VAT1L: variants seen among roughly 807,000 people sequenced by gnomAD.
The protein encoded by VAT1L is vesicle amine transport 1 like.
In VAT1L, 34 loss-of-function variants were observed where a neutral mutation model predicts 44.1. The ratio of observed to expected loss-of-function variants is 0.77; its 90% CI spans 0.59 to 1.03. The LOEUF (loss-of-function observed/expected upper bound fraction) is 1.03, where lower values mean the gene tolerates loss of function less well. VAT1L is among the 50% of genes least tolerant of loss of function. VAT1L has a pLI of 0.00. For synonymous variants in VAT1L, 253 were observed against 202.2 expected (o/e 1.25, Z -2.13); for missense variants, 615 against 538.8 (o/e 1.14, Z -1.40).
Position 77,788,772 on chromosome 16 carries a change from C to T in VAT1L, c.90C>T (p.Gly30=). ...AGGAGCCGGCGGAGGGCGGCGGCGG[C>T]GACGGCTCGCACCGCCTCGGGGACG... is the stretch of plus-strand genomic sequence containing the variant. The part of the protein sequence containing the change: ...AGKEPAEGGG[G]DGSHRLGDAQ... Residue 30 remains glycine, a synonymous_variant, in exon 1 of 9, where the codon GGC becomes GGT. Transcript: ENST00000302536. 6.4e-7 allele frequency: 1 copy of T among 1,562,208 alleles called. No individual in the cohort carries two copies. Among genetic ancestry groups the T allele is most frequent in the Non-Finnish European group, 8.7e-7 (1 of 1,153,746 alleles).
In VAT1L at chr16:77,884,414, C is replaced by G. The variant is rs1027329216; in HGVS notation, c.883-194C>G. On this transcript the variant is annotated intron_variant, in intron 6 of 8. Transcript: ENST00000302536. This position sits in a 1 kb window ranked among gnomAD's most constrained non-coding sequence, Gnocchi z 4.5. ...CTCCAGCCTGGGCTACAGAGTGAGA[C>G]TCCATCTCAAAAAATAAAAATAAAA... Among the ~76,000 whole-genome samples the G allele has an allele frequency of 6.6e-6, 1 of 151,918 alleles. No individual in the cohort carries two copies. Among genetic ancestry groups the G allele is most frequent in the African/African-American group, 2.4e-5 (1 of 41,330 alleles).
chr16:77,819,277 G>C (rs920158051), intron 2 of VAT1L, among the ~76,000 whole-genome samples: 6 of 152,180 alleles, frequency 3.9e-5, no homozygotes, highest in African/African-American at 1.2e-4. Context: ...GTGGGACTGA[G>C]GCTGTGTCTT....
intron 7 of VAT1L, among the ~76,000 whole-genome samples, chr16:77,908,143 G>T (rs902455516): frequency 6.6e-6 from 1 of 151,894 alleles, no homozygotes; most frequent in African/African-American, 2.4e-5. Context: ...GGAGGGTGAG[G>T]CAGGAGAATG....
At chr16:77,841,751 A>T (rs917119220) in intron 3 of VAT1L, among the ~76,000 whole-genome samples, 3 of 152,226 alleles carry the variant, frequency 2.0e-5, no homozygotes, top group Non-Finnish European at 4.4e-5. Flanking sequence ...CCTGAGCTCT[A>T]CATGGGGGTG....
intron 1 of VAT1L, among the ~76,000 whole-genome samples, chr16:77,814,734 G>A (rs2016323020): frequency 6.6e-6 from 1 of 152,218 alleles, no homozygotes; most frequent in South Asian, 2.1e-4. Context: ...CTGTTATACA[G>A]TGATGCGTTA....
intron 7 of VAT1L, among the ~76,000 whole-genome samples, chr16:77,895,766 G>A (rs1567501094): frequency 6.6e-6 from 1 of 152,236 alleles, no homozygotes; most frequent in African/African-American, 2.4e-5. Context: ...CTCAACAAAT[G>A]CTTACAGAGT....
intron 3 of VAT1L, among the ~76,000 whole-genome samples, chr16:77,842,247 T>C (rs920806697): frequency 3.3e-5 from 5 of 152,184 alleles, no homozygotes; most frequent in Non-Finnish European, 5.9e-5. Flanking sequence ...CTAAAAACTC[T>C]TTCTGGGCCC....
intron 1 of VAT1L, among the ~76,000 whole-genome samples, chr16:77,809,557 C>T (rs2016227973): frequency 6.6e-6 from 1 of 152,176 alleles, no homozygotes; most frequent in African/African-American, 2.4e-5. Context: ...TAAAGAGACT[C>T]TCAGAGCTGG....
chr16:77,974,600 T>A (rs1288612975), intron 8 of VAT1L, among the ~76,000 whole-genome samples: 2 of 152,210 alleles, frequency 1.3e-5, no homozygotes, highest in Non-Finnish European at 2.9e-5. Flanking sequence ...TCTCACTCTG[T>A]CACCCAGGCT....
chr16:77,789,734 C>T (rs1469306613), intron 1 of VAT1L, among the ~76,000 whole-genome samples: 2 of 152,224 alleles, frequency 1.3e-5, no homozygotes, highest in Middle Eastern at 3.4e-3. Flanking sequence ...TTCCTGGTCC[C>T]ATCTCAGAAG....
intron 7 of VAT1L, among the ~76,000 whole-genome samples, chr16:77,905,283 A>G (rs1004375219): frequency 1.3e-5 from 2 of 152,194 alleles, no homozygotes; most frequent in Admixed American, 1.3e-4. Context: ...ATTTTCTTCA[A>G]AGAAGAAAAG....
At chr16:77,957,655 G>A (rs1257339086) in intron 7 of VAT1L, among the ~76,000 whole-genome samples, 2 of 151,906 alleles carry the variant, frequency 1.3e-5, no homozygotes, top group Non-Finnish European at 2.9e-5. Context: ...AACCCGGGAG[G>A]CGGAGGTTGC....
At chr16:77,927,791 C>T (rs2017687068) in intron 7 of VAT1L, among the ~76,000 whole-genome samples, 1 of 152,094 alleles carries the variant, frequency 6.6e-6, no homozygotes, top group South Asian at 2.1e-4. Flanking sequence ...ATCGCTTGAA[C>T]CCGGGAGGTG....
At position 77,789,041 on chromosome 16, in the gene VAT1L, A is replaced by G. The variant is rs1042892336; in HGVS notation, c.233+126A>G. On this transcript the variant is annotated intron_variant, in intron 1 of 8. Coordinates refer to ENST00000302536, the MANE Select transcript of VAT1L (RefSeq NM_020927.3). ...CCGCGCGCACCCCCTCCGCGCCCTC[A>G]CCCGGGTCTCAGAGCCTCCCCGGGC... 27 of 1,208,852 alleles carry G rather than the reference A, an allele frequency of 2.2e-5. 1 individual carries two copies. The African/African-American group carries it at 2.6e-4, about 11-fold the overall frequency. The allele number at this position is 1,208,852 out of a possible 1,614,324, so 74.9% of individuals were successfully genotyped here. A position where few individuals can be genotyped will look rare whatever the true frequency, so the allele number is the denominator to read the frequency against.
chr16:77,955,315 T>C (rs1341308155), intron 7 of VAT1L, among the ~76,000 whole-genome samples: 3 of 152,172 alleles, frequency 2.0e-5, no homozygotes, highest in African/African-American at 7.2e-5. Flanking sequence ...GCTACTGACA[T>C]CTAGTGAGCA....
At chr16:77,878,126 T>C (rs1359139660) in intron 5 of VAT1L, among the ~76,000 whole-genome samples, 2 of 152,344 alleles carry the variant, frequency 1.3e-5, no homozygotes, top group East Asian at 3.9e-4. Context: ...GATCACTTGG[T>C]CACTAATTAA....
intron 8 of VAT1L, among the ~76,000 whole-genome samples, chr16:77,974,594 A>T (rs2018315552): frequency 6.6e-6 from 1 of 151,810 alleles, no homozygotes; most frequent in Admixed American, 6.6e-5. Context: ...ATGCAGTCTC[A>T]CTCTGTCACC....
chr16:77,797,905 T>C (rs975901803), intron 1 of VAT1L, among the ~76,000 whole-genome samples: 3 of 152,128 alleles, frequency 2.0e-5, no homozygotes, highest in African/African-American at 7.2e-5. Context: ...ATACAGAAAA[T>C]TGGTTGGAGC....
intron 3 of VAT1L, among the ~76,000 whole-genome samples, chr16:77,828,515 T>C (rs1453380634): frequency 6.6e-6 from 1 of 151,968 alleles, no homozygotes. Context: ...AATACAAAAT[T>C]AGCTGGGCAT....
Sources: gnomAD v4.1 joint callset for allele counts (sites outside exome capture counted in the v4.1 genomes callset) on GRCh38, gnomAD v4.1.1 for gene constraint, Gnocchi (gnomAD v3.1) non-coding constraint, MANE v1.5 for transcripts, NCBI Gene and HGNC (gene_info 2026-07-23, HGNC 2026-07-21) for gene names.